Variants in HMCN2 observed in about 807,000 individuals in gnomAD.
The protein encoded by HMCN2 is hemicentin-2.
In HMCN2, 325 loss-of-function variants were observed where a neutral mutation model predicts 377.5. That is an observed-to-expected ratio of 0.86 (90% CI 0.79 to 0.94). HMCN2 has a LOEUF of 0.94. Among genes scored for constraint, HMCN2 ranks in the 40% least tolerant of loss-of-function variants. The pLI is 0.00. For synonymous variants in HMCN2, 2,007 were observed against 2,046.8 expected (o/e 0.98, Z 0.53); for missense variants, 4,543 against 4,725.3 (o/e 0.96, Z 1.13).
At position 130,324,382 on chromosome 9, in the gene HMCN2, A is replaced by G. The variant is rs1392602443; in HGVS notation, c.2921-1213A>G. Among the ~76,000 whole-genome samples, 4 of 152,312 alleles carry G rather than the reference A, an allele frequency of 2.6e-5. No homozygotes were observed. The East Asian group carries it at 7.7e-4, about 29-fold the overall frequency. On this transcript the variant is annotated intron_variant, in intron 19 of 97. Transcript: ENST00000683500. ...TAAAAAAACAGACTGGACTTTTAAG[A>G]GCAGTTTAAGTTTATAGAAAAACTC...
intron 1 of HMCN2, among the ~76,000 whole-genome samples, chr9:130,267,318 C>T (rs1388503002): frequency 7.2e-6 from 1 of 138,360 alleles, no homozygotes; most frequent in Non-Finnish European, 1.6e-5. Flanking sequence ...ACCGCCTATG[C>T]CCACCGAGAG....
At chr9:130,339,041 AAC>A (rs1838911139) in intron 23 of HMCN2, among the ~76,000 whole-genome samples, 9 of 76,816 alleles carry the variant, frequency 1.2e-4, no homozygotes, top group African/African-American at 6.7e-4. Flanking sequence ...ATAAAAAATT[AAC>A]CACTTGCAAT....
chr9:130,360,638 CA>C lies in HMCN2; in HGVS notation c.5950+39del. 8.1e-7 allele frequency: 1 copy of C among 1,240,032 alleles called. No individual in the cohort carries two copies. The allele number at this position is 1,240,032 out of a possible 1,614,324, so 76.8% of individuals were successfully genotyped here. ...CCCTGGGCCTACAAGGTCCCTTGTC[CA>C]AAAAGTTGTCTTTTCATTCATTTGT... On this transcript the variant is annotated intron_variant, in intron 38 of 97. Transcript: ENST00000683500. This position sits in a 1 kb window ranked among gnomAD's most constrained non-coding sequence, Gnocchi z 4.7.
intron 8 of HMCN2, among the ~76,000 whole-genome samples, chr9:130,301,672 G>A (rs1181968456): frequency 2.0e-5 from 3 of 152,240 alleles, no homozygotes; most frequent in South Asian, 4.1e-4. Flanking sequence ...CAGGGAGCCT[G>A]GAGCATGATG....
rs1403831152 is a variant in HMCN2 at position 130,357,873 on chromosome 9, C to T, written c.5465C>T (p.Thr1822Ile). The T allele has an allele frequency of 7.7e-7, 1 of 1,304,186 alleles. No homozygotes were observed. Among genetic ancestry groups the T allele is most frequent in the Non-Finnish European group, 1.0e-6 (1 of 988,890 alleles). 80.8% of individuals were successfully genotyped at this position (1,304,186 alleles called of 1,614,324 possible). ...SVSIIGGENI[T>I]APFLQPVTLQ... The stretch of plus-strand genomic sequence containing the variant: ...AGTATCATTGGGGGTGAGAACATCA[C>T]AGCTCCTTTCCTGCAGCCTGTGACC... Residue 1822 changes from threonine to isoleucine, a missense_variant, in exon 35 of 98, where the codon ACA becomes ATA. Thr to Ile is a moderately conservative substitution (Grantham distance 89, BLOSUM62 -1). Coordinates refer to ENST00000683500, the MANE Select transcript of HMCN2 (RefSeq NM_001291815.2).
chr9:130,376,044 T>A, intron 51 of HMCN2, 55 bp downstream of exon 51: 1 of 815,130 alleles, frequency 1.2e-6, no homozygotes, highest in Non-Finnish European at 1.5e-6. Flanking sequence ...CCCGGGAACC[T>A]AGGGGCCCAG....
intron 1 of HMCN2, among the ~76,000 whole-genome samples, chr9:130,267,717 A>C (rs1208105451): frequency 1.3e-5 from 2 of 152,238 alleles, no homozygotes; most frequent in African/African-American, 4.8e-5. Flanking sequence ...AGTTCTGGGC[A>C]CCACAGGGTT....
At chr9:130,429,923 C>A in intron 94 of HMCN2, 1 of 735,776 alleles carries the variant, frequency 1.4e-6, no homozygotes, top group Non-Finnish European at 2.1e-6. Context: ...CAGCCTGACC[C>A]TGTGGGGTCA....
At chr9:130,340,510 C>A (rs1420253076) in intron 23 of HMCN2, among the ~76,000 whole-genome samples, 1 of 149,264 alleles carries the variant, frequency 6.7e-6, no homozygotes, top group Non-Finnish European at 1.5e-5. Context: ...TGGATGAATC[C>A]CAAGTGGCGC....
At chr9:130,328,243 G>T (rs1838251572) in intron 22 of HMCN2, among the ~76,000 whole-genome samples, 1 of 152,220 alleles carries the variant, frequency 6.6e-6, no homozygotes, top group Non-Finnish European at 1.5e-5. Flanking sequence ...GACCCAGGGA[G>T]CCGGCCCTGG....
At chr9:130,356,364 G>A (rs2131545501) in intron 34 of HMCN2, 107 bp downstream of exon 34, 1 of 1,106,096 alleles carries the variant, frequency 9.0e-7, no homozygotes. Context: ...GGTCTTTGCT[G>A]GATGGCGTTT....
intron 25 of HMCN2, among the ~76,000 whole-genome samples, chr9:130,345,065 GGT>G (rs1485743866): frequency 6.6e-6 from 1 of 150,986 alleles, no homozygotes; most frequent in African/African-American, 2.4e-5. Flanking sequence ...TTGTGTGTGT[GGT>G]GTGTGTAGTG....
chr9:130,286,209 G>T lies in HMCN2; in HGVS notation c.511G>T (p.Asp171Tyr), dbSNP rs782303061. ...CCAGGTGGTCTTTGTGCTGACGGGG[G>T]ACTGTGGCGACCGCACCCATCCTGG... is the stretch of plus-strand genomic sequence containing the variant. ...QSQVVFVLTG[D>Y]CGDRTHPGYL... Residue 171 changes from aspartate to tyrosine, a missense_variant, in exon 4 of 98, where the codon GAC (aspartate) becomes TAC (tyrosine). Around this residue, in one of 5 missense-constraint regions of HMCN2, gnomAD observed 547 missense variants for 189.9 expected, o/e 2.88. Transcript: ENST00000683500. 2.1e-5 allele frequency: 10 copies of T among 470,916 alleles called. No individual in the cohort carries two copies. Among genetic ancestry groups the T allele is most frequent in the Non-Finnish European group, 3.1e-5 (7 of 227,056 alleles). The allele number at this position is 470,916 out of a possible 1,614,324, so 29.2% of individuals were successfully genotyped here.
chr9:130,364,604 G>T (rs539034879), intron 40 of HMCN2, 110 bp from the exon 41 acceptor site: 1 of 385,722 alleles, frequency 2.6e-6, no homozygotes, highest in South Asian at 1.1e-4. Flanking sequence ...CAGAGGAAGG[G>T]TGGTCACTCC....
intron 19 of HMCN2, among the ~76,000 whole-genome samples, chr9:130,323,279 C>G (rs1016865674): frequency 3.3e-5 from 5 of 152,178 alleles, no homozygotes; most frequent in Non-Finnish European, 5.9e-5. Context: ...CCTAAAGGAG[C>G]TCCAAGTGCT....
intron 24 of HMCN2, among the ~76,000 whole-genome samples, 178 bp from the exon 25 acceptor site, chr9:130,342,172 G>A (rs1839094353): frequency 1.3e-5 from 2 of 152,158 alleles, no homozygotes; most frequent in Non-Finnish European, 2.9e-5. Context: ...GCACCATGGG[G>A]CCTCCCTGCA....
rs570965587 is a variant in HMCN2 at position 130,349,349 on chromosome 9, C to A, written c.4304-188C>A. On this transcript the variant is annotated intron_variant, in intron 28 of 97. Coordinates refer to ENST00000683500, the MANE Select transcript of HMCN2 (RefSeq NM_001291815.2). ...AAAATCATTACTGTCACAAGTGCTA[C>A]CAAAGAACAGTCTGGGTGCTGAGGG... is the stretch of plus-strand genomic sequence containing the variant. Among the ~76,000 whole-genome samples the A allele has an allele frequency of 5.9e-5, 9 of 152,280 alleles. No homozygotes were observed. The South Asian group carries it at 1.0e-3, about 18-fold the overall frequency.
In HMCN2 at chr9:130,397,517, A is replaced by T; in HGVS notation, c.11199-11A>T. The T allele has an allele frequency of 7.8e-7, 1 of 1,289,780 alleles. No homozygotes were observed. Among genetic ancestry groups the T allele is most frequent in the Admixed American group, 2.3e-5 (1 of 43,556 alleles). The allele number at this position is 1,289,780 out of a possible 1,614,324, so 79.9% of individuals were successfully genotyped here. ...CTTGCTCATCTCCAGGGCAACCCCCATCCATTCTAGGTTTGAAATTCTGCC... is the reference window on the plus strand; with the variant it reads ...CTTGCTCATCTCCAGGGCAACCCCCTTCCATTCTAGGTTTGAAATTCTGCC... On this transcript the variant is annotated splice_polypyrimidine_tract_variant and intron_variant, in intron 73 of 97. Transcript: ENST00000683500.
chr9:130,380,894 C>T (rs1309108942), intron 54 of HMCN2, among the ~76,000 whole-genome samples: 1 of 152,010 alleles, frequency 6.6e-6, no homozygotes, highest in Non-Finnish European at 1.5e-5. Flanking sequence ...GACCCCTTAA[C>T]CTGGCCACTG....
Sources: allele counts gnomAD v4.1 joint callset (sites outside exome capture counted in the v4.1 genomes callset), GRCh38; gene constraint gnomAD v4.1.1; regional missense constraint gnomAD v4.1.1; non-coding constraint Gnocchi (gnomAD v3.1); transcripts MANE v1.5; gene names NCBI Gene and HGNC (gene_info 2026-07-23, HGNC 2026-07-21).